The following PDE11A variants were observed in gnomAD, a reference collection of about 807,000 sequenced individuals.
PDE11A encodes phosphodiesterase 11A.
In PDE11A, 100 loss-of-function variants were observed where a neutral mutation model predicts 100.5. The observed-to-expected ratio is 1.00, with a 90% CI of 0.85 to 1.18. The LOEUF (loss-of-function observed/expected upper bound fraction) is 1.18. PDE11A is among the 50% of genes most tolerant of loss of function. The pLI is 0.00. For missense variants in PDE11A, 1,141 were observed against 1,152.6 expected, an observed-to-expected ratio of 0.99 and a Z score of 0.15; for synonymous variants, 381 against 420.8, an observed-to-expected ratio of 0.91 and a Z score of 1.16.
At chr2:177,868,707 A>G (rs982504797) in intron 5 of PDE11A, among the ~76,000 whole-genome samples, 16 of 152,314 alleles carry the variant, frequency 1.1e-4, no homozygotes, top group African/African-American at 3.6e-4. Context: ...GTGCTCTGCT[A>G]TCATCTCCAG....
intron 6 of PDE11A, among the ~76,000 whole-genome samples, chr2:177,835,874 C>A (rs893792135): frequency 1.3e-5 from 2 of 152,206 alleles, no homozygotes; most frequent in African/African-American, 2.4e-5. Flanking sequence ...ACTGGCGCTG[C>A]GCTCAAATTC....
intron 2 of PDE11A, chr2:177,998,650 C>T (rs1045462116): frequency 1.4e-4 from 179 of 1,268,938 alleles, no homozygotes; most frequent in Non-Finnish European, 2.0e-4. Context: ...AATCGTTTTT[C>T]CTTAGTACCA....
chr2:177,817,937 G>A lies in PDE11A; in HGVS notation c.1577-12C>T. 7.6e-7 allele frequency: 1 copy of A among 1,320,728 alleles called. No individual in the cohort carries two copies. The highest frequency in any genetic ancestry group is 1.1e-6 in the Non-Finnish European group (1 of 915,208). 81.8% of individuals were successfully genotyped at this position (1,320,728 alleles called of 1,614,324 possible). On this transcript the variant is annotated splice_polypyrimidine_tract_variant and intron_variant, in intron 7 of 19. Transcript: ENST00000286063. ...CACTTGAGCCACTCCTATGGGGAAA[G>A]AGTGGATTATGTGGTCATTTTTAGT...
chr2:177,927,514 T>G (rs1305624361), intron 2 of PDE11A, among the ~76,000 whole-genome samples: 1 of 152,184 alleles, frequency 6.6e-6, no homozygotes, highest in Non-Finnish European at 1.5e-5. Flanking sequence ...TTGTCAAAGG[T>G]GAAACTCTTC....
intron 5 of PDE11A, among the ~76,000 whole-genome samples, chr2:177,862,514 T>C (rs558379116): frequency 6.6e-6 from 1 of 151,814 alleles, no homozygotes; most frequent in African/African-American, 2.4e-5. Context: ...AAAATCAACA[T>C]ACAAAAATCA....
intron 5 of PDE11A, among the ~76,000 whole-genome samples, chr2:177,867,070 G>A (rs2084042505): frequency 6.6e-6 from 1 of 152,174 alleles, no homozygotes; most frequent in South Asian, 2.1e-4. Context: ...TAAAATATTT[G>A]TCTTAGATGT....
At chr2:178,034,804 C>G (rs1398547914) in intron 1 of PDE11A, among the ~76,000 whole-genome samples, 1 of 152,070 alleles carries the variant, frequency 6.6e-6, no homozygotes, top group Non-Finnish European at 1.5e-5. Context: ...AAGGCAGAAA[C>G]AAAGGAGTTC....
At chr2:177,790,153 A>G (rs2082608384) in intron 9 of PDE11A, among the ~76,000 whole-genome samples, 1 of 150,534 alleles carries the variant, frequency 6.6e-6, no homozygotes, top group Non-Finnish European at 1.5e-5. Flanking sequence ...ACAAGGCTAC[A>G]GTAACCAAAA....
chr2:178,042,135 C>T (rs576384860), intron 1 of PDE11A, among the ~76,000 whole-genome samples: 83 of 152,220 alleles, frequency 5.5e-4, no homozygotes, highest in African/African-American at 1.9e-3. Flanking sequence ...CTTCACATAC[C>T]TCATAAATAG....
chr2:178,015,570 G>A (rs2086324714), intron 1 of PDE11A, among the ~76,000 whole-genome samples: 1 of 152,042 alleles, frequency 6.6e-6, no homozygotes, highest in Non-Finnish European at 1.5e-5. Context: ...ATTTCTGGAG[G>A]GACAATTGGA....
At chr2:177,751,317 G>C (rs1248629520) in intron 10 of PDE11A, among the ~76,000 whole-genome samples, 4 of 150,656 alleles carry the variant, frequency 2.7e-5, no homozygotes, top group African/African-American at 9.7e-5. Context: ...GGGACAGGCT[G>C]CCTGCTCCAC....
chr2:177,853,818 A>G (rs1462238566), intron 5 of PDE11A, among the ~76,000 whole-genome samples: 1 of 142,776 alleles, frequency 7.0e-6, no homozygotes, highest in African/African-American at 2.6e-5. Flanking sequence ...GCATATATGT[A>G]TATATATGTG....
rs537290973 is a variant in PDE11A, at chr2:177,895,578, C to T, written c.1302+2480G>A. 7.2e-5 allele frequency among the ~76,000 whole-genome samples: 11 copies of T among 151,964 alleles called. No homozygotes were observed. The South Asian group carries it at 1.2e-3, about 17-fold the overall frequency. On this transcript the variant is annotated intron_variant, in intron 4 of 19. Coordinates refer to ENST00000286063, the MANE Select transcript of PDE11A (RefSeq NM_016953.4). ...CAAAAAAAAAAAAAAGCTATTCTGC[C>T]TTTAAAAAGAATAACATTTTGTAAT...
In PDE11A at chr2:177,698,203, G is replaced by T. The variant is rs146777444; in HGVS notation, c.2245-771C>A. ...AATTCTGAATAGCTAGGATGCATAA[G>T]ACATCGTTCTTGGCACAGTGGGACT... On this transcript the variant is annotated intron_variant, in intron 14 of 19. Transcript: ENST00000286063. Among the ~76,000 whole-genome samples the T allele has an allele frequency of 9.5e-4, 145 of 152,270 alleles. 1 individual carries two copies. The highest frequency in any genetic ancestry group is 3.1e-3 in the African/African-American group (128 of 41,554).
chr2:178,050,700 C>T (rs192740531), intron 1 of PDE11A, among the ~76,000 whole-genome samples: 3 of 152,152 alleles, frequency 2.0e-5, no homozygotes, highest in African/African-American at 2.4e-5. Context: ...ACGAGAACTA[C>T]GTGACGCATG....
chr2:177,762,543 A>G (rs968669348), intron 10 of PDE11A, among the ~76,000 whole-genome samples: 2 of 152,090 alleles, frequency 1.3e-5, no homozygotes, highest in Admixed American at 1.3e-4. Context: ...GACCTTCAGG[A>G]CTTGTCGCCG....
intron 5 of PDE11A, among the ~76,000 whole-genome samples, chr2:177,864,976 G>T (rs1319795492): frequency 2.6e-5 from 4 of 152,016 alleles, no homozygotes. Context: ...CAAAAAGCAT[G>T]GTCATTAAAA....
chr2:177,701,632 C>T (rs1267236397), intron 13 of PDE11A, among the ~76,000 whole-genome samples: 1 of 152,220 alleles, frequency 6.6e-6, no homozygotes, highest in African/African-American at 2.4e-5. Context: ...TAATTTCTGG[C>T]TCCGGGGATC....
intron 1 of PDE11A, among the ~76,000 whole-genome samples, chr2:178,023,431 G>A (rs1305431095): frequency 6.6e-6 from 1 of 152,154 alleles, no homozygotes; most frequent in Non-Finnish European, 1.5e-5. Context: ...TCAGAGTTGA[G>A]AATCTTATCC....
Sources: gnomAD v4.1 joint callset for allele counts (sites outside exome capture counted in the v4.1 genomes callset) on GRCh38, gnomAD v4.1.1 for gene constraint, MANE v1.5 for transcripts, NCBI Gene and HGNC (gene_info 2026-07-23, HGNC 2026-07-21) for gene names.